Variants in C12orf56 observed in about 807,000 individuals in gnomAD.
C12orf56 encodes uncharacterized protein C12orf56.
In C12orf56, 71 loss-of-function variants were observed where a neutral mutation model predicts 69.9. The ratio of observed to expected loss-of-function variants is 1.02; its 90% CI spans 0.84 to 1.24. The LOEUF is 1.24. Among genes scored for constraint, C12orf56 ranks in the 50% most tolerant of loss-of-function variants. The pLI, the probability that C12orf56 is intolerant of heterozygous loss-of-function variation, is 0.00. For missense variants in C12orf56, 732 were observed against 738.5 expected, an observed-to-expected ratio of 0.99 and a Z score of 0.10; for synonymous variants, 276 against 274.1, an observed-to-expected ratio of 1.01 and a Z score of -0.07.
At chr12:64,312,653 C>A in intron 5 of C12orf56, 26 bp downstream of exon 5, 1 of 1,496,524 alleles carries the variant, frequency 6.7e-7, no homozygotes, top group Non-Finnish European at 9.0e-7. Flanking sequence ...CCCCATGCAA[C>A]TCTATCATAC....
chr12:64,293,457 C>T (rs1397780004), intron 6 of C12orf56: 1 of 152,174 alleles, frequency 6.6e-6, no homozygotes, highest in Admixed American at 6.5e-5. Context: ...AGTTGTGTGA[C>T]ATTTGGCAAA....
In C12orf56 at chr12:64,390,336, C is replaced by T; in HGVS notation, c.230G>A (p.Arg77Gln). The change falls in exon 1 of 13, where the codon CGG becomes CAG. Residue 77 changes from arginine (R) to glutamine (Q), a missense_variant. Arg to Gln is a conservative substitution (Grantham distance 43, BLOSUM62 1). Transcript: ENST00000543942. The stretch of plus-strand genomic sequence containing the variant: ...CACCAGGTCAATGGCCACGACGTCC[C>T]GCAGAGCCACTACCCGCCGGATGGA... ...PKSIRRVVAL[R>Q]DVVAIDLIDD... is the part of the protein sequence containing the mutation. 1.2e-6 allele frequency: 2 copies of T among 1,611,030 alleles called. No homozygotes were observed. The highest frequency in any genetic ancestry group is 1.7e-6 in the Non-Finnish European group (2 of 1,179,316).
At chr12:64,347,231 G>T (rs971275598) in intron 2 of C12orf56, among the ~76,000 whole-genome samples, 2 of 149,840 alleles carry the variant, frequency 1.3e-5, no homozygotes, top group African/African-American at 2.4e-5. Flanking sequence ...ACCCACCTCA[G>T]CCTCCCAAAG....
At chr12:64,375,917 C>G (rs932928960) in intron 1 of C12orf56, among the ~76,000 whole-genome samples, 1 of 152,050 alleles carries the variant, frequency 6.6e-6, no homozygotes, top group African/African-American at 2.4e-5. Flanking sequence ...AGAAGAAGCT[C>G]CAAAGCATTT....
chr12:64,280,429 C>T (rs2136757770), intron 8 of C12orf56, among the ~76,000 whole-genome samples: 1 of 152,284 alleles, frequency 6.6e-6, no homozygotes, highest in Middle Eastern at 3.4e-3. Context: ...TCGATAGTCT[C>T]CTAAGTCAGT....
chr12:64,336,025 G>T (rs1481761728), intron 2 of C12orf56, among the ~76,000 whole-genome samples: 1 of 152,136 alleles, frequency 6.6e-6, no homozygotes, highest in Non-Finnish European at 1.5e-5. Context: ...TCAAATAGAT[G>T]GTCGAGTAGG....
At chr12:64,276,992 T>TCAAAAAAAAAAA (rs1565734825) in intron 9 of C12orf56, among the ~76,000 whole-genome samples, 2 of 2,098 alleles carry the variant, frequency 9.5e-4, no homozygotes, top group African/African-American at 1.4e-3. Context: ...AAACCCTTTC[T>TCAAAAAAAAAAA]TAAAAAAAAA....
intron 1 of C12orf56, among the ~76,000 whole-genome samples, chr12:64,356,415 G>C (rs889140366): frequency 2.0e-5 from 3 of 152,142 alleles, no homozygotes; most frequent in African/African-American, 7.2e-5. Context: ...CTCGTGGATG[G>C]AGCAATGGCA....
intron 1 of C12orf56, among the ~76,000 whole-genome samples, chr12:64,359,345 TC>T (rs2039365423): frequency 6.6e-6 from 1 of 152,292 alleles, no homozygotes; most frequent in South Asian, 2.1e-4. Context: ...TTACAAAGGC[TC>T]CCATGTCACA....
At chr12:64,324,162 G>A (rs2038808499) in intron 3 of C12orf56, among the ~76,000 whole-genome samples, 1 of 152,140 alleles carries the variant, frequency 6.6e-6, no homozygotes, top group East Asian at 1.9e-4. Flanking sequence ...TGCAAGCCAG[G>A]CTAGGTTGTA....
intron 1 of C12orf56, among the ~76,000 whole-genome samples, chr12:64,370,355 CA>C (rs985725558): frequency 7.8e-4 from 116 of 148,056 alleles, no homozygotes; most frequent in Non-Finnish European, 1.4e-3. Context: ...TGCGCCCCCC[CA>C]AAAAAAAAGA....
At chr12:64,329,093 C>T (rs962575436) in intron 3 of C12orf56, among the ~76,000 whole-genome samples, 3 of 151,810 alleles carry the variant, frequency 2.0e-5, no homozygotes, top group Non-Finnish European at 4.4e-5. Flanking sequence ...CCTTTTTCTC[C>T]TTTTTAAATT....
intron 8 of C12orf56, among the ~76,000 whole-genome samples, chr12:64,283,101 C>T (rs1185536866): frequency 6.6e-6 from 1 of 151,102 alleles, no homozygotes; most frequent in Non-Finnish European, 1.5e-5. Context: ...AAGATTGTGC[C>T]ATTGCACTCC....
At chr12:64,345,865 C>T (rs141102693) in intron 2 of C12orf56, among the ~76,000 whole-genome samples, 20 of 152,240 alleles carry the variant, frequency 1.3e-4, no homozygotes, top group African/African-American at 1.7e-4. Context: ...CTCTCATGAG[C>T]GATGAATCAA....
chr12:64,296,831 G>A (rs1337021939), intron 6 of C12orf56, among the ~76,000 whole-genome samples: 1 of 150,526 alleles, frequency 6.6e-6, no homozygotes, highest in African/African-American at 2.4e-5. Flanking sequence ...TTGTGGGAGT[G>A]GGTTTCTGAT....
At chr12:64,310,818 A>G (rs549099756) in intron 5 of C12orf56, among the ~76,000 whole-genome samples, 3 of 151,954 alleles carry the variant, frequency 2.0e-5, no homozygotes, top group South Asian at 2.1e-4. Flanking sequence ...TGCTGCACCC[A>G]TTAACTCGTC....
chr12:64,351,637 G>T (rs758539591), intron 2 of C12orf56, among the ~76,000 whole-genome samples: 2 of 152,036 alleles, frequency 1.3e-5, no homozygotes, highest in Non-Finnish European at 2.9e-5. Context: ...AGTGAAAGCC[G>T]CTTTGATACC....
intron 6 of C12orf56, among the ~76,000 whole-genome samples, chr12:64,299,855 T>A (rs2038421536): frequency 6.6e-6 from 1 of 152,224 alleles, no homozygotes; most frequent in African/African-American, 2.4e-5. Flanking sequence ...GTCATAGAAC[T>A]ACATTGTTCA....
Position 64,301,375 on chromosome 12 carries a change from G to T in C12orf56, c.1113+2260C>A, listed in dbSNP as rs544473639. Among the ~76,000 whole-genome samples the T allele has an allele frequency of 7.4e-3, 1,133 of 152,126 alleles. 22 individuals are homozygous for T. Among genetic ancestry groups the T allele is most frequent in the African/African-American group, 0.026 (1,088 of 41,496 alleles). On this transcript the variant is annotated intron_variant, in intron 6 of 12. Coordinates refer to ENST00000543942, the MANE Select transcript of C12orf56 (RefSeq NM_001170633.2). ...TTTAGAATTAAACAAGTTTTACTGG[G>T]GGTCTGAAGAAACTCCTCAGGCCGC... is the stretch of plus-strand genomic sequence containing the variant.
Sources: allele counts gnomAD v4.1 joint callset (sites outside exome capture counted in the v4.1 genomes callset), GRCh38; gene constraint gnomAD v4.1.1; transcripts MANE v1.5; gene names NCBI Gene and HGNC (gene_info 2026-07-23, HGNC 2026-07-21).